The following ZNF569 variants were observed in gnomAD, a reference collection of about 807,000 sequenced individuals.
The protein encoded by ZNF569 is DNA-binding protein.
In ZNF569, 38 loss-of-function variants were observed where a neutral mutation model predicts 56.3. The observed-to-expected ratio is 0.68, with a 90% CI of 0.52 to 0.88. The LOEUF is 0.88. Ranked by LOEUF, ZNF569 falls within the 40% of genes least tolerant of loss-of-function variation. The probability of loss-of-function intolerance (pLI) is 0.00; values close to 1 mark genes in which losing one functional copy is unlikely to be tolerated. For missense variants in ZNF569, 666 were observed against 809.2 expected (o/e 0.82, Z 2.15); for synonymous variants, 241 against 262.9 (o/e 0.92, Z 0.81).
intron 2 of ZNF569, among the ~76,000 whole-genome samples, chr19:37,451,148 C>T (rs1470042235): frequency 1.3e-5 from 2 of 151,802 alleles, no homozygotes; most frequent in African/African-American, 2.4e-5. Context: ...GCCTGTAATC[C>T]CAGCACTTTG....
At chr19:37,418,258 G>C (rs898212826) in intron 5 of ZNF569, among the ~76,000 whole-genome samples, 2 of 152,026 alleles carry the variant, frequency 1.3e-5, no homozygotes, top group Admixed American at 1.3e-4. Flanking sequence ...CTGGATGACG[G>C]AATTGGAACA....
chr19:37,453,624 A>T (rs1387470536), intron 2 of ZNF569, among the ~76,000 whole-genome samples: 1 of 151,832 alleles, frequency 6.6e-6, no homozygotes, highest in Non-Finnish European at 1.5e-5. Flanking sequence ...TATCTTCAAG[A>T]TTTTCCTTTT....
chr19:37,450,854 C>A (rs1005408901), intron 2 of ZNF569, among the ~76,000 whole-genome samples: 3 of 152,086 alleles, frequency 2.0e-5, no homozygotes, highest in Admixed American at 2.0e-4. Context: ...TTTCTAATTT[C>A]ATTTTTTATT....
chr19:37,425,614 C>T (rs982632238), intron 5 of ZNF569: 3 of 254,068 alleles, frequency 1.2e-5, no homozygotes, highest in Admixed American at 9.9e-5. Context: ...AGCCACTGTG[C>T]CAGGCCCAAT....
intron 2 of ZNF569, among the ~76,000 whole-genome samples, chr19:37,448,676 G>A (rs2041540957): frequency 6.8e-6 from 1 of 146,030 alleles, no homozygotes; most frequent in South Asian, 2.1e-4. Context: ...CCTTTCTCCT[G>A]CCTCAGCCTC....
At position 37,414,152 on chromosome 19, in the gene ZNF569, T is replaced by G; in HGVS notation, c.506A>C (p.Glu169Ala). The change falls in exon 6 of 6, where the codon GAA (glutamate) becomes GCA (alanine). Residue 169 changes from glutamate to alanine, a missense_variant. Physicochemically the swap from Glu to Ala is moderately radical, Grantham distance 107. Transcript: ENST00000316950. ...LMRKEHCEYN[E>A]PVKSYGNSSS... ...GCTATTACCATATGATTTCACAGGTTCATTATATTCACAATGCTCCTTTCT... is the reference window on the plus strand; with the variant it reads ...GCTATTACCATATGATTTCACAGGTGCATTATATTCACAATGCTCCTTTCT... The G allele has an allele frequency of 1.2e-6, 2 of 1,613,732 alleles. No individual in the cohort carries two copies. Among genetic ancestry groups the G allele is most frequent in the Non-Finnish European group, 1.7e-6 (2 of 1,179,864 alleles).
At chr19:37,435,614 A>G (rs1204896017) in intron 3 of ZNF569, among the ~76,000 whole-genome samples, 2 of 152,202 alleles carry the variant, frequency 1.3e-5, no homozygotes, top group Non-Finnish European at 2.9e-5. Flanking sequence ...CCTACAAGAA[A>G]CACACTTCAT....
chr19:37,428,895 A>C (rs940651052), intron 3 of ZNF569, among the ~76,000 whole-genome samples: 3 of 151,798 alleles, frequency 2.0e-5, no homozygotes, highest in Non-Finnish European at 2.9e-5. Flanking sequence ...CTGGTCTCTA[A>C]CTCCTAACCT....
Position 37,414,136 on chromosome 19 carries a change from A to C in ZNF569, c.522T>G (p.Tyr174Ter), listed in dbSNP as rs2040888338. Reference protein sequence around the residue: ...HCEYNEPVKSYGNSSSHFVIT... With the variant: ...HCEYNEPVKS ...TGACAAAATGGGATGAGCTATTACC[A>C]TATGATTTCACAGGTTCATTATATT... Residue 174 changes from tyrosine (Y) to a stop codon, truncating the protein, a stop_gained, in exon 6 of 6, where the codon TAT becomes TAG. Transcript: ENST00000316950. LOFTEE classifies it high-confidence loss of function. 6.2e-7 allele frequency: 1 copy of C among 1,613,798 alleles called. No individual in the cohort carries two copies. Among genetic ancestry groups the C allele is most frequent in the African/African-American group, 1.3e-5 (1 of 75,046 alleles).
intron 2 of ZNF569, among the ~76,000 whole-genome samples, chr19:37,462,938 T>A (rs1406379543): frequency 6.6e-6 from 1 of 152,216 alleles, no homozygotes; most frequent in African/African-American, 2.4e-5. Flanking sequence ...ATATCTCCAC[T>A]TGAATGTCTA....
At chr19:37,436,023 T>C (rs1472126626) in intron 3 of ZNF569, among the ~76,000 whole-genome samples, 3 of 152,188 alleles carry the variant, frequency 2.0e-5, no homozygotes, top group African/African-American at 7.2e-5. Flanking sequence ...GACCATTTCA[T>C]CCAATGGCTG....
At chr19:37,466,789 T>G (rs930770886) in intron 1 of ZNF569, 5 of 152,312 alleles carry the variant, frequency 3.3e-5, no homozygotes, top group African/African-American at 1.2e-4. Flanking sequence ...CATGCACGTT[T>G]GCACGCAGGT....
intron 5 of ZNF569, among the ~76,000 whole-genome samples, chr19:37,423,350 C>T (rs1310805432): frequency 2.0e-5 from 3 of 152,128 alleles, no homozygotes; most frequent in Non-Finnish European, 2.9e-5. Flanking sequence ...AACACTAATG[C>T]TATATAAATG....
At position 37,412,468 on chromosome 19, in the gene ZNF569, A is replaced by C. The variant is rs2040853662; in HGVS notation, c.*129T>G. ...TTGGAAGAATTCTCTAATGTTTCAT[A>C]AATTTGTGGCTTTTTCAGAAGGCTA... On this transcript the variant is annotated 3_prime_UTR_variant, in exon 6 of 6. Coordinates refer to ENST00000316950, the MANE Select transcript of ZNF569 (RefSeq NM_152484.3). 1 of 1,361,686 alleles carries C rather than the reference A, an allele frequency of 7.3e-7. No individual in the cohort carries two copies. Among genetic ancestry groups the C allele is most frequent in the Non-Finnish European group, 9.5e-7 (1 of 1,056,254 alleles). 84.4% of individuals were successfully genotyped at this position (1,361,686 alleles called of 1,614,324 possible). A position where few individuals can be genotyped will look rare whatever the true frequency, so the allele number is the denominator to read the frequency against.
At chr19:37,448,865 C>A (rs2041545210) in intron 2 of ZNF569, among the ~76,000 whole-genome samples, 1 of 152,004 alleles carries the variant, frequency 6.6e-6, no homozygotes, top group African/African-American at 2.4e-5. Flanking sequence ...CTTTAATATC[C>A]GTTTCCTTTT....
chr19:37,452,983 T>C (rs1386489217), intron 2 of ZNF569, among the ~76,000 whole-genome samples: 1 of 152,168 alleles, frequency 6.6e-6, no homozygotes, highest in African/African-American at 2.4e-5. Context: ...ACTTAAGCCT[T>C]CTTCACTCTT....
intron 3 of ZNF569, among the ~76,000 whole-genome samples, chr19:37,426,593 T>C (rs561952172): frequency 1.3e-5 from 2 of 152,208 alleles, no homozygotes; most frequent in African/African-American, 2.4e-5. Flanking sequence ...CCAATTTATA[T>C]TGAGTGTGAA....
intron 3 of ZNF569, among the ~76,000 whole-genome samples, chr19:37,437,373 T>G (rs1000375132): frequency 2.6e-5 from 4 of 152,168 alleles, no homozygotes; most frequent in Non-Finnish European, 5.9e-5. Context: ...ACAGCTAGTA[T>G]CATACCGAAT....
At chr19:37,429,989 T>C (rs2041198846) in intron 3 of ZNF569, among the ~76,000 whole-genome samples, 1 of 151,988 alleles carries the variant, frequency 6.6e-6, no homozygotes, top group Admixed American at 6.6e-5. Context: ...GGCTAGGAGT[T>C]CAAGATCAGC....
Sources: gnomAD v4.1 joint callset for allele counts (sites outside exome capture counted in the v4.1 genomes callset) on GRCh38, gnomAD v4.1.1 for gene constraint, MANE v1.5 for transcripts, NCBI Gene and HGNC (gene_info 2026-07-23, HGNC 2026-07-21) for gene names.